The following NIBAN3 variants were observed in gnomAD, a reference collection of about 807,000 sequenced individuals.
The protein encoded by NIBAN3 is protein Niban 3.
A neutral mutation model predicts 76.4 loss-of-function variants in NIBAN3; 66 were observed. The ratio of observed to expected loss-of-function variants is 0.86; its 90% CI spans 0.71 to 1.06. The LOEUF is 1.06. NIBAN3 is among the 50% of genes least tolerant of loss of function. The probability of loss-of-function intolerance (pLI) is 0.00; values close to 1 mark genes in which losing one functional copy is unlikely to be tolerated. For missense variants in NIBAN3, 808 were observed against 810.7 expected (o/e 1.00, Z 0.04); for synonymous variants, 360 against 355.2 (o/e 1.01, Z -0.15).
intron 3 of NIBAN3, 60 bp from the exon 4 acceptor site, chr19:17,533,527 G>T: frequency 8.6e-7 from 1 of 1,163,316 alleles, no homozygotes; most frequent in Non-Finnish European, 1.3e-6. Context: ...TGGTATAGTT[G>T]GGACACAGAA....
Position 17,539,716 on chromosome 19 carries a change from C to T in NIBAN3, c.930C>T (p.Asp310=). The change falls in exon 8 of 15, where the codon GAC becomes GAT. Residue 310 remains aspartate (D), a synonymous_variant. Coordinates refer to ENST00000599164, the MANE Select transcript of NIBAN3 (RefSeq NM_001321827.2). ...CGCTGGAGAAGACGATCCGCCCGGA[C>T]GTGGACCAGCTGCTGCGGCAGCGGG... ...LASLEKTIRP[D]VDQLLRQRAR... is the part of the protein sequence containing the mutation. 1 of 1,547,278 alleles carries T rather than the reference C, an allele frequency of 6.5e-7. No homozygotes were observed. Among genetic ancestry groups the T allele is most frequent in the Non-Finnish European group, 8.7e-7 (1 of 1,147,400 alleles).
intron 9 of NIBAN3, among the ~76,000 whole-genome samples, chr19:17,540,900 AT>A (rs1462648924): frequency 1.3e-5 from 2 of 152,078 alleles, no homozygotes; most frequent in Admixed American, 6.6e-5. Context: ...AGCCCAGCTA[AT>A]TTTTTAATTT....
chr19:17,532,244 C>A lies in NIBAN3; in HGVS notation c.187-19C>A, dbSNP rs776903510. 6.3e-7 allele frequency: 1 copy of A among 1,596,794 alleles called. No homozygotes were observed. The highest frequency in any genetic ancestry group is 8.5e-7 in the Non-Finnish European group (1 of 1,170,594). The stretch of plus-strand genomic sequence containing the variant: ...TCAGCCCACAGCCCCCTGACACCCA[C>A]TGCTCCCTCTTTCTGCAGAAGCTGC... On this transcript the variant is annotated intron_variant, in intron 2 of 14. Transcript: ENST00000599164.
intron 2 of NIBAN3, among the ~76,000 whole-genome samples, chr19:17,531,263 A>G (rs62126816): frequency 0.33 from 49,492 of 150,616 alleles, 9,756 homozygotes; most frequent in African/African-American, 0.55. Context: ...GGAGGTGGAG[A>G]TTGCAGTGAG....
At position 17,527,282 on chromosome 19, in the gene NIBAN3, G is replaced by A. The variant is rs546536223; in HGVS notation, c.-59G>A. On this transcript the variant is annotated 5_prime_UTR_variant, in exon 1 of 15. Coordinates refer to ENST00000599164, the MANE Select transcript of NIBAN3 (RefSeq NM_001321827.2). ...CCCGCCATCCAGGTGCCCCTGAGCC[G>A]AGGAACGCAGGCGGTGGTCGTGGGG... The A allele has an allele frequency of 1.7e-4, 266 of 1,550,682 alleles. 9 individuals carry two copies. In the South Asian group the frequency reaches 3.0e-3, roughly 17 times the overall value.
chr19:17,535,962 A>G (rs1024240773), intron 4 of NIBAN3, among the ~76,000 whole-genome samples: 2 of 152,136 alleles, frequency 1.3e-5, no homozygotes, highest in African/African-American at 4.8e-5. Context: ...AAACTTAGCC[A>G]CTGAAAGTGT....
upstream of NIBAN3, among the ~76,000 whole-genome samples, chr19:17,526,077 G>A (rs1464850986): frequency 6.6e-6 from 1 of 151,364 alleles, no homozygotes; most frequent in East Asian, 2.0e-4. Context: ...ACTTTAGGAG[G>A]TCAAGGAGGG....
chr19:17,530,489 T>C (rs2075698848), intron 1 of NIBAN3, among the ~76,000 whole-genome samples: 2 of 133,612 alleles, frequency 1.5e-5, no homozygotes, highest in African/African-American at 5.7e-5. Flanking sequence ...GCTGAGATCG[T>C]GCCACTGCAC....
intron 1 of NIBAN3, among the ~76,000 whole-genome samples, chr19:17,527,740 A>G (rs2144662929): frequency 6.6e-6 from 1 of 150,774 alleles, no homozygotes; most frequent in Non-Finnish European, 1.5e-5. Context: ...TTTTTTTTTT[A>G]ATAGAGACAG....
intron 12 of NIBAN3, chr19:17,545,956 G>A (rs113993544): frequency 5.4e-5 from 24 of 440,942 alleles, no homozygotes; most frequent in Admixed American, 2.1e-4. Context: ...CTAAGTAGCC[G>A]GTGTTTTTCC....
In NIBAN3 at chr19:17,539,597, G is replaced by T. The variant is rs1232203830; in HGVS notation, c.817-6G>T. 1 of 1,543,584 alleles carries T rather than the reference G, an allele frequency of 6.5e-7. No homozygotes were observed. Among genetic ancestry groups the T allele is most frequent in the Non-Finnish European group, 8.8e-7 (1 of 1,138,922 alleles). The stretch of plus-strand genomic sequence containing the variant: ...GGCTTTGTCCCCCCTCGACCGGTCT[G>T]GGCAGCTTCTAGACGCCGTTCACGC... On this transcript the variant is annotated splice_polypyrimidine_tract_variant and splice_region_variant and intron_variant, in intron 7 of 14. Coordinates refer to ENST00000599164, the MANE Select transcript of NIBAN3 (RefSeq NM_001321827.2).
At position 17,535,603 on chromosome 19, in the gene NIBAN3, C is replaced by T. The variant is rs570293564; in HGVS notation, c.428-1773C>T. Among the ~76,000 whole-genome samples, 34 of 152,262 alleles carry T rather than the reference C, an allele frequency of 2.2e-4. 1 individual carries two copies. The South Asian group carries it at 6.8e-3, about 31-fold the overall frequency. ...CCTCTACTAAAAATACAAAAATTAG[C>T]CGAGCGTGGTGGCACACGCCTATAA... On this transcript the variant is annotated intron_variant, in intron 4 of 14. Coordinates refer to ENST00000599164, the MANE Select transcript of NIBAN3 (RefSeq NM_001321827.2).
At position 17,535,181 on chromosome 19, in the gene NIBAN3, G is replaced by C. The variant is rs574222519; in HGVS notation, c.427+1480G>C. On this transcript the variant is annotated intron_variant, in intron 4 of 14. Coordinates refer to ENST00000599164, the MANE Select transcript of NIBAN3 (RefSeq NM_001321827.2). ...GAGCTGGCTGTGGCGGCATATGCCT[G>C]TAGTCCCAGGTACTTGGGAGGCAGA... Among the ~76,000 whole-genome samples the C allele has an allele frequency of 6.0e-4, 92 of 152,314 alleles. 1 individual carries two copies. The highest frequency in any genetic ancestry group is 2.0e-3 in the African/African-American group (85 of 41,568).
At position 17,540,638 on chromosome 19, in the gene NIBAN3, T is replaced by C. The variant is rs552658613; in HGVS notation, c.1170+56T>C. On this transcript the variant is annotated intron_variant, in intron 9 of 14. Transcript: ENST00000599164. ...CCAGAGGGTGATGTGTTAACTTGAG[T>C]CTTTCCTGTGGAGAATCTTCACTGA... The C allele has an allele frequency of 3.2e-6, 4 of 1,261,178 alleles. No homozygotes were observed. The Admixed American group carries it at 1.5e-4, about 46-fold the overall frequency. The allele number at this position is 1,261,178 out of a possible 1,614,324, so 78.1% of individuals were successfully genotyped here.
At chr19:17,524,040 C>G (rs547606762), upstream of NIBAN3, among the ~76,000 whole-genome samples, 5 of 152,174 alleles carry the variant, frequency 3.3e-5, no homozygotes, top group South Asian at 1.0e-3. Context: ...AGGCACCCAC[C>G]ACCACTCCCA....
At chr19:17,545,869 G>A (rs1568461394) in intron 12 of NIBAN3, 3 of 373,790 alleles carry the variant, frequency 8.0e-6, no homozygotes, top group African/African-American at 4.2e-5. Flanking sequence ...ACTGATATCA[G>A]GCCCTCCACA....
At chr19:17,546,975 T>C (rs925954570) in intron 13 of NIBAN3, among the ~76,000 whole-genome samples, 178 bp downstream of exon 13, 1 of 152,078 alleles carries the variant, frequency 6.6e-6, no homozygotes, top group Non-Finnish European at 1.5e-5. Flanking sequence ...GGATGGATAC[T>C]CTCTGAAGGA....
downstream of NIBAN3, among the ~76,000 whole-genome samples, chr19:17,554,083 A>G (rs536633914): frequency 5.3e-5 from 8 of 152,202 alleles, no homozygotes; most frequent in South Asian, 1.7e-3. Context: ...CATATTGACC[A>G]AGCTGGTCTC....
chr19:17,534,745 C>T (rs142769171), intron 4 of NIBAN3, among the ~76,000 whole-genome samples: 5 of 148,464 alleles, frequency 3.4e-5, no homozygotes, highest in Non-Finnish European at 5.9e-5. Context: ...GAGCCGAGAT[C>T]GCGCCACTGC....
Sources: gnomAD v4.1 joint callset for allele counts (sites outside exome capture counted in the v4.1 genomes callset) on GRCh38, gnomAD v4.1.1 for gene constraint, MANE v1.5 for transcripts, NCBI Gene and HGNC (gene_info 2026-07-23, HGNC 2026-07-21) for gene names.